The following SLC35F4 variants were observed in gnomAD, a reference collection of about 807,000 sequenced individuals.
SLC35F4 encodes the protein chromosome 14 open reading frame 36.
Under a neutral mutation model 44.2 loss-of-function variants are expected in SLC35F4, and 24 were observed. The ratio of observed to expected loss-of-function variants is 0.54; its 90% CI spans 0.39 to 0.76. The LOEUF is 0.76. Among genes scored for constraint, SLC35F4 ranks in the 30% least tolerant of loss-of-function variants. The pLI is 0.00. For synonymous variants in SLC35F4, 238 were observed against 223.6 expected (o/e 1.06, Z -0.57); for missense variants, 562 against 586.1 (o/e 0.96, Z 0.42).
intron 1 of SLC35F4, among the ~76,000 whole-genome samples, chr14:57,607,295 T>C (rs1745692): frequency 0.71 from 108,227 of 152,008 alleles, 39,261 homozygotes; most frequent in Middle Eastern, 0.8. Context: ...AGCATATACA[T>C]ATTTGTCACC....
At chr14:57,602,676 A>G (rs1038627092) in intron 1 of SLC35F4, 1 of 152,182 alleles carries the variant, frequency 6.6e-6, no homozygotes, top group African/African-American at 2.4e-5. Context: ...CAATGCAACT[A>G]GTGACACTTT....
chr14:57,605,005 T>C (rs2071063695), intron 1 of SLC35F4, among the ~76,000 whole-genome samples: 1 of 152,138 alleles, frequency 6.6e-6, no homozygotes, highest in Admixed American at 6.5e-5. Flanking sequence ...ATAAAAATCC[T>C]AGAAGAAAAC....
chr14:57,568,952 C>T (rs1170908764), intron 6 of SLC35F4, among the ~76,000 whole-genome samples: 1 of 152,098 alleles, frequency 6.6e-6, no homozygotes, highest in Non-Finnish European at 1.5e-5. Flanking sequence ...GAGAGAAGAG[C>T]AGCCTTATTA....
At chr14:57,666,253 A>T (rs931481828) in intron 1 of SLC35F4, among the ~76,000 whole-genome samples, 4 of 152,222 alleles carry the variant, frequency 2.6e-5, no homozygotes, top group African/African-American at 9.6e-5. Flanking sequence ...GAGACCCAGA[A>T]CTTGAATTTA....
chr14:57,677,242 C>A (rs557579221), intron 1 of SLC35F4, among the ~76,000 whole-genome samples: 3 of 151,798 alleles, frequency 2.0e-5, no homozygotes, highest in Non-Finnish European at 2.9e-5. Flanking sequence ...ATATAATGGC[C>A]TTTGGGGACT....
chr14:57,613,959 G>A (rs577886158), intron 1 of SLC35F4, among the ~76,000 whole-genome samples: 2 of 152,290 alleles, frequency 1.3e-5, no homozygotes, highest in East Asian at 3.9e-4. Context: ...CCCTGGACTG[G>A]TGCCTTTTCA....
chr14:57,780,122 T>G (rs1006472379), intron 1 of SLC35F4, among the ~76,000 whole-genome samples: 46 of 152,110 alleles, frequency 3.0e-4, no homozygotes, highest in African/African-American at 1.1e-3. Context: ...GACATCCAAA[T>G]AGAAAGAGAA....
intron 1 of SLC35F4, among the ~76,000 whole-genome samples, chr14:57,863,914 C>T (rs559146198): frequency 5.3e-5 from 8 of 152,176 alleles, no homozygotes; most frequent in Non-Finnish European, 1.2e-4. Context: ...TTTTGGCTAC[C>T]AGTTATAGCC....
intron 1 of SLC35F4, among the ~76,000 whole-genome samples, chr14:57,705,834 A>C (rs764054050): frequency 6.6e-6 from 1 of 152,170 alleles, no homozygotes; most frequent in Non-Finnish European, 1.5e-5. Context: ...ACATACTGTC[A>C]TATTTTCTTA....
intron 1 of SLC35F4, among the ~76,000 whole-genome samples, chr14:57,766,363 G>A (rs2077234175): frequency 6.6e-6 from 1 of 152,186 alleles, no homozygotes; most frequent in Non-Finnish European, 1.5e-5. Context: ...CTACTTTGCT[G>A]TAGGAAATGG....
chr14:57,702,264 GCA>G (rs545688040), intron 1 of SLC35F4, among the ~76,000 whole-genome samples: 1 of 147,276 alleles, frequency 6.8e-6, no homozygotes, highest in Non-Finnish European at 1.5e-5. Flanking sequence ...CCCTGAATAC[GCA>G]CAGTTTACTA....
At chr14:57,922,601 C>G (rs890528492) in intron 1 of SLC35F4, among the ~76,000 whole-genome samples, 7 of 152,228 alleles carry the variant, frequency 4.6e-5, no homozygotes, top group African/African-American at 1.2e-4. Flanking sequence ...AGGGTTCTCT[C>G]TGTCCTCCTC....
At chr14:57,808,447 A>G (rs1881597412) in intron 1 of SLC35F4, among the ~76,000 whole-genome samples, 2 of 151,934 alleles carry the variant, frequency 1.3e-5, no homozygotes, top group African/African-American at 2.4e-5. Flanking sequence ...ATTGATTAAC[A>G]AAAACTCACA....
chr14:57,749,020 C>T (rs117071725), intron 1 of SLC35F4, among the ~76,000 whole-genome samples: 171 of 152,138 alleles, frequency 1.1e-3, no homozygotes, highest in Non-Finnish European at 1.9e-3. Flanking sequence ...GATACAAAGG[C>T]CCAGAGAAAA....
intron 1 of SLC35F4, among the ~76,000 whole-genome samples, chr14:57,850,716 T>A (rs1041684028): frequency 5.3e-5 from 8 of 152,208 alleles, no homozygotes; most frequent in African/African-American, 1.9e-4. Flanking sequence ...GGATCCAGAG[T>A]GACGATGTGT....
chr14:57,861,113 T>C (rs62005011), intron 1 of SLC35F4, among the ~76,000 whole-genome samples: 23,378 of 152,108 alleles, frequency 0.15, 1,907 homozygotes, highest in East Asian at 0.23. Context: ...CTGAGCGCAC[T>C]TCCCCAGTCC....
chr14:57,638,468 G>A (rs560364407), intron 1 of SLC35F4, among the ~76,000 whole-genome samples: 1 of 152,208 alleles, frequency 6.6e-6, no homozygotes, highest in Admixed American at 6.5e-5. Context: ...CTTCTTGTAA[G>A]CTGTTGAATA....
intron 1 of SLC35F4, among the ~76,000 whole-genome samples, chr14:57,956,537 T>G (rs1267185961): frequency 2.6e-5 from 4 of 151,908 alleles, no homozygotes; most frequent in African/African-American, 9.7e-5. Context: ...CTGCAATCTA[T>G]CCATCTGACA....
chr14:57,667,854 T>C (rs1351794766), intron 1 of SLC35F4, among the ~76,000 whole-genome samples: 2 of 148,694 alleles, frequency 1.3e-5, no homozygotes, highest in Non-Finnish European at 3.0e-5. Flanking sequence ...TACCCAGTAA[T>C]GGGATGGCTG....
Sources: allele counts gnomAD v4.1 joint callset (sites outside exome capture counted in the v4.1 genomes callset), GRCh38; gene constraint gnomAD v4.1.1; transcripts MANE v1.5; gene names NCBI Gene and HGNC (gene_info 2026-07-23, HGNC 2026-07-21).